The following BMPER variants were observed in gnomAD, a reference collection of about 807,000 sequenced individuals.
The protein encoded by BMPER is BMP binding endothelial regulator, also known as BMP-binding endothelial regulator protein.
BMPER carries 45 observed loss-of-function variants against 87.3 expected under a neutral mutation model. That is an observed-to-expected ratio of 0.52 (90% CI 0.41 to 0.66). BMPER has a LOEUF of 0.66. Ranked by LOEUF, BMPER falls within the 30% of genes least tolerant of loss-of-function variation. The pLI, the probability that BMPER is intolerant of heterozygous loss-of-function variation, is 0.00. For synonymous variants in BMPER, 326 were observed against 316.2 expected (o/e 1.03, Z -0.33); for missense variants, 784 against 867.5 (o/e 0.90, Z 1.21).
intron 6 of BMPER, among the ~76,000 whole-genome samples, chr7:34,012,835 A>AT (rs1786918183): frequency 6.6e-6 from 1 of 151,988 alleles, no homozygotes; most frequent in Non-Finnish European, 1.5e-5. Context: ...ATTGGGTTAA[A>AT]TAATTAAACA....
chr7:33,909,693 A>AAAAAAAAAAAAAAAAAAAAG (rs10655768), intron 2 of BMPER, among the ~76,000 whole-genome samples: 3 of 138,918 alleles, frequency 2.2e-5, no homozygotes, highest in Non-Finnish European at 3.0e-5. Flanking sequence ...AAAAAAAAAA[A>AAAAAAAAAAAAAAAAAAAAG]AAAGAAAGAA....
chr7:33,961,824 G>C (rs1053544777), intron 3 of BMPER, among the ~76,000 whole-genome samples: 5 of 152,096 alleles, frequency 3.3e-5, no homozygotes, highest in African/African-American at 1.2e-4. Context: ...TCATTGTGAA[G>C]GTAACCCCAG....
At chr7:33,925,072 G>A (rs910533801) in intron 2 of BMPER, among the ~76,000 whole-genome samples, 5 of 152,142 alleles carry the variant, frequency 3.3e-5, no homozygotes, top group African/African-American at 9.7e-5. Flanking sequence ...GAGATCATGC[G>A]TGGGTGTGTT....
At chr7:34,114,613 C>A (rs1282484414) in intron 13 of BMPER, among the ~76,000 whole-genome samples, 4 of 152,160 alleles carry the variant, frequency 2.6e-5, no homozygotes, top group African/African-American at 9.7e-5. Context: ...AATGTCATTG[C>A]AAACTGTGAT....
At chr7:34,061,602 T>C (rs764424298) in intron 10 of BMPER, among the ~76,000 whole-genome samples, 10 of 152,286 alleles carry the variant, frequency 6.6e-5, no homozygotes, top group African/African-American at 1.4e-4. Context: ...AAGAAGGTCT[T>C]GTAGGGTTCG....
intron 6 of BMPER, among the ~76,000 whole-genome samples, chr7:33,984,606 CTG>C (rs577599325): frequency 2.2e-4 from 33 of 152,246 alleles, no homozygotes; most frequent in African/African-American, 7.5e-4. Flanking sequence ...TGTTGTGTGA[CTG>C]TAAATTTATC....
At chr7:33,956,868 T>C (rs1368918152) in intron 3 of BMPER, among the ~76,000 whole-genome samples, 1 of 152,204 alleles carries the variant, frequency 6.6e-6, no homozygotes, top group African/African-American at 2.4e-5. Context: ...GGTATGTTTT[T>C]GGGGAATGAA....
chr7:33,913,543 A>G (rs1784012573), intron 2 of BMPER, among the ~76,000 whole-genome samples: 1 of 152,190 alleles, frequency 6.6e-6, no homozygotes. Context: ...GTAGGAATGG[A>G]AAGAAGGTGT....
At chr7:33,938,430 A>G (rs933735815) in intron 3 of BMPER, among the ~76,000 whole-genome samples, 4 of 152,202 alleles carry the variant, frequency 2.6e-5, no homozygotes, top group Non-Finnish European at 4.4e-5. Flanking sequence ...TGTCTTTATA[A>G]GAAGAGGAAG....
intron 6 of BMPER, among the ~76,000 whole-genome samples, chr7:33,992,188 C>T (rs1402624897): frequency 5.5e-5 from 8 of 145,274 alleles, no homozygotes; most frequent in Admixed American, 1.4e-4. Flanking sequence ...CTTTCTGTCT[C>T]GTTGATCTGT....
chr7:33,913,882 T>G (rs1784024222), intron 2 of BMPER, among the ~76,000 whole-genome samples: 1 of 152,134 alleles, frequency 6.6e-6, no homozygotes, highest in Non-Finnish European at 1.5e-5. Context: ...TGCCTTACAC[T>G]GCTGCGTGAT....
chr7:34,036,903 C>T (rs1229945891), intron 6 of BMPER, among the ~76,000 whole-genome samples: 1 of 152,112 alleles, frequency 6.6e-6, no homozygotes, highest in Non-Finnish European at 1.5e-5. Context: ...AAAACAAACA[C>T]ATGAACAAAC....
Position 34,058,964 on chromosome 7 carries a change from A to G in BMPER, c.1032+801A>G, listed in dbSNP as rs545202091. On this transcript the variant is annotated intron_variant, in intron 10 of 14. Coordinates refer to ENST00000649409, the MANE Select transcript of BMPER (RefSeq NM_001365308.1). ...GTTGCTGTTTTTACTTGACTGCCAA[A>G]TGAGGCACAAAAAACAACAGCTGTT... is the stretch of plus-strand genomic sequence containing the variant. Among the ~76,000 whole-genome samples, 3 of 152,252 alleles carry G rather than the reference A, an allele frequency of 2.0e-5. No individual in the cohort carries two copies. The South Asian group carries it at 6.2e-4, about 32-fold the overall frequency.
intron 14 of BMPER, 99 bp downstream of exon 14, chr7:34,143,459 C>A: frequency 6.5e-7 from 1 of 1,540,862 alleles, no homozygotes. Context: ...TGGCCACATG[C>A]CCCCTTGCCA....
chr7:33,942,747 A>G (rs1372709655), intron 3 of BMPER, among the ~76,000 whole-genome samples: 3 of 152,252 alleles, frequency 2.0e-5, no homozygotes, highest in South Asian at 2.1e-4. Context: ...AAATCTCTTT[A>G]CCTTTTGTAG....
At chr7:33,927,098 A>G (rs1003746731) in intron 2 of BMPER, among the ~76,000 whole-genome samples, 2 of 152,262 alleles carry the variant, frequency 1.3e-5, no homozygotes, top group Non-Finnish European at 2.9e-5. Flanking sequence ...CCAGAAAGTT[A>G]CTTTGTCAAA....
chr7:34,079,316 C>T, intron 12 of BMPER, 130 bp downstream of exon 12: 1 of 1,200,778 alleles, frequency 8.3e-7, no homozygotes, highest in Non-Finnish European at 1.2e-6. Flanking sequence ...GAGCCAGGTT[C>T]CAACTGCGGG....
intron 13 of BMPER, among the ~76,000 whole-genome samples, chr7:34,120,549 C>T (rs1039818437): frequency 1.3e-5 from 2 of 152,170 alleles, no homozygotes; most frequent in African/African-American, 2.4e-5. Flanking sequence ...CAGGCGTGCA[C>T]CATCACGCCC....
intron 12 of BMPER, 142 bp from the exon 13 acceptor site, chr7:34,085,614 G>A: frequency 2.6e-6 from 2 of 779,110 alleles, no homozygotes; most frequent in Non-Finnish European, 4.4e-6. Flanking sequence ...GAGATTAAGA[G>A]GTAACCAAGA....
Sources: allele counts gnomAD v4.1 joint callset (sites outside exome capture counted in the v4.1 genomes callset), GRCh38; gene constraint gnomAD v4.1.1; transcripts MANE v1.5; gene names NCBI Gene and HGNC (gene_info 2026-07-23, HGNC 2026-07-21).